Variants in PGR observed in about 807,000 individuals in gnomAD.
PGR encodes progesterone receptor.
Under a neutral mutation model 76.1 loss-of-function variants are expected in PGR, and 25 were observed. That is an observed-to-expected ratio of 0.33 (90% confidence interval 0.24 to 0.46). The LOEUF is 0.46. Ranked by LOEUF, PGR falls within the 20% of genes least tolerant of loss-of-function variation. The pLI is 1.00. For synonymous variants in PGR, 579 were observed against 535.0 expected, an observed-to-expected ratio of 1.08 and a Z score of -1.14; for missense variants, 1,172 against 1,225.3, an observed-to-expected ratio of 0.96 and a Z score of 0.65.
rs1859468459 is a variant in PGR, at chr11:101,035,225, C to T, written c.*3891G>A. On this transcript the variant is annotated 3_prime_UTR_variant, in exon 8 of 8. Transcript: ENST00000325455. The stretch of plus-strand genomic sequence containing the variant: ...GCTATTGAATACAAAAATAGAGTAT[C>T]TTTAAATTTGAAAAAAAATGTATGT... 1 of 221,398 alleles carries T rather than the reference C, an allele frequency of 4.5e-6. No homozygotes were observed. The highest frequency in any genetic ancestry group is 1.8e-4 in the South Asian group (1 of 5,428). The allele number at this position is 221,398 out of a possible 1,614,324, so 13.7% of individuals were successfully genotyped here. A position where few individuals can be genotyped will look rare whatever the true frequency, so the allele number is the denominator to read the frequency against.
intron 2 of PGR, among the ~76,000 whole-genome samples, chr11:101,115,548 G>A (rs1181947115): frequency 6.6e-6 from 1 of 152,094 alleles, no homozygotes; most frequent in Non-Finnish European, 1.5e-5. Context: ...AAGGTGGGAG[G>A]ATCACTTCAG....
rs1859482043 is a variant in PGR at position 101,035,564 on chromosome 11, A to G, written c.*3552T>C. 4.3e-6 allele frequency: 1 copy of G among 232,056 alleles called. No homozygotes were observed. The highest frequency in any genetic ancestry group is 5.6e-5 in the Admixed American group (1 of 17,760). The allele number at this position is 232,056 out of a possible 1,614,324, so 14.4% of individuals were successfully genotyped here. On this transcript the variant is annotated 3_prime_UTR_variant, in exon 8 of 8. Coordinates refer to ENST00000325455, the MANE Select transcript of PGR (RefSeq NM_000926.4). ...TTCCCTTTTGTGGAATTGCTGCCAT[A>G]GTAAAAATAATTTGAGCATGGGTTT...
chr11:101,118,522 T>G (rs1862577485), intron 2 of PGR, among the ~76,000 whole-genome samples: 1 of 152,138 alleles, frequency 6.6e-6, no homozygotes, highest in South Asian at 2.1e-4. Context: ...ATACTATGCT[T>G]TAAGAAAAAA....
At position 101,091,631 on chromosome 11, in the gene PGR, A is replaced by T. The variant is rs753323809; in HGVS notation, c.1906+129T>A. On this transcript the variant is annotated intron_variant, in intron 3 of 7. Coordinates refer to ENST00000325455, the MANE Select transcript of PGR (RefSeq NM_000926.4). ...GCTTCATTCAGACACTCACATGTGCAGAGTCACTGCCAATAATCAAGACAG... is the reference window on the plus strand; with the variant it reads ...GCTTCATTCAGACACTCACATGTGCTGAGTCACTGCCAATAATCAAGACAG... 246 of 694,658 alleles carry T rather than the reference A, an allele frequency of 3.5e-4. 5 individuals are homozygous for T. Among genetic ancestry groups the T allele is most frequent in the Middle Eastern group, 2.5e-3 (8 of 3,242 alleles). The allele number at this position is 694,658 out of a possible 1,614,324, so 43.0% of individuals were successfully genotyped here.
intron 3 of PGR, among the ~76,000 whole-genome samples, chr11:101,064,331 CAAAAAAAAAAAAAAAAAAAAAAA>C (rs10556132): frequency 7.4e-4 from 29 of 39,448 alleles, no homozygotes; most frequent in African/African-American, 2.8e-3. Context: ...AACTCCACCT[CAAAAAAAAAAAAAAAAAAAAAAA>C]AAAAAAAAAA....
chr11:101,101,166 A>C (rs1357896234), intron 2 of PGR, among the ~76,000 whole-genome samples: 1 of 152,168 alleles, frequency 6.6e-6, no homozygotes, highest in African/African-American at 2.4e-5. Context: ...TGTTTCATTG[A>C]CCACTGATAA....
chr11:101,071,944 C>T (rs1036333915), intron 3 of PGR, among the ~76,000 whole-genome samples: 1 of 152,122 alleles, frequency 6.6e-6, no homozygotes, highest in Non-Finnish European at 1.5e-5. Context: ...CCTAGCAAGA[C>T]AGGCCAACAT....
At chr11:101,123,248 A>G (rs1327669358) in intron 2 of PGR, among the ~76,000 whole-genome samples, 1 of 152,242 alleles carries the variant, frequency 6.6e-6, no homozygotes, top group Non-Finnish European at 1.5e-5. Context: ...ACTGGCACAG[A>G]GAAAGCATTT....
At chr11:101,109,882 C>A (rs754192444) in intron 2 of PGR, among the ~76,000 whole-genome samples, 1 of 152,188 alleles carries the variant, frequency 6.6e-6, no homozygotes, top group Non-Finnish European at 1.5e-5. Context: ...TTGTTAGGGG[C>A]TAATGAAGCT....
chr11:101,062,752 C>A lies in PGR; in HGVS notation c.1907G>T (p.Gly636Val). The part of the protein sequence containing the change: ...KCCQAGMVLG[G>V]RKFKKFNKVR... ...TTTATTGAACTTTTTAAATTTTCGA[C>A]CTACAGAGAAGAAAAAAAAGAAATT... Residue 636 changes from glycine to valine, a missense_variant and splice_region_variant, in exon 4 of 8, where the codon GGT (glycine) becomes GTT (valine). By Grantham distance (109) the Gly-to-Val change is moderately radical. Coordinates refer to ENST00000325455, the MANE Select transcript of PGR (RefSeq NM_000926.4). 1 of 1,607,948 alleles carries A rather than the reference C, an allele frequency of 6.2e-7. No individual in the cohort carries two copies. The highest frequency in any genetic ancestry group is 1.7e-5 in the Admixed American group (1 of 59,350).
intron 3 of PGR, among the ~76,000 whole-genome samples, chr11:101,081,830 C>G (rs964284556): frequency 6.6e-6 from 1 of 152,136 alleles, no homozygotes; most frequent in Non-Finnish European, 1.5e-5. Context: ...GCCTGCACAC[C>G]CTACAAAGCA....
At chr11:101,090,099 G>A (rs1015511706) in intron 3 of PGR, among the ~76,000 whole-genome samples, 1 of 152,156 alleles carries the variant, frequency 6.6e-6, no homozygotes, top group African/African-American at 2.4e-5. Flanking sequence ...TTGGGAGGTT[G>A]TGGCAGGAGA....
rs142124470 is a variant in PGR, at chr11:101,115,510, G to A, written c.1789+10497C>T. On this transcript the variant is annotated intron_variant, in intron 2 of 7. Transcript: ENST00000325455. ...GAATAGGCTGGGCGCTGTTGCTCAC[G>A]CCTGTAATCCCAGCACTTTGGGATG... Among the ~76,000 whole-genome samples, 990 of 152,180 alleles carry A rather than the reference G, an allele frequency of 6.5e-3. 11 individuals are homozygous for A. Among genetic ancestry groups the A allele is most frequent in the African/African-American group, 0.02 (842 of 41,532 alleles).
intron 6 of PGR, among the ~76,000 whole-genome samples, chr11:101,047,003 T>G (rs771162537): frequency 9.2e-5 from 14 of 152,320 alleles, no homozygotes; most frequent in Non-Finnish European, 1.8e-4. Context: ...TCTCCCCAAA[T>G]CTCATTAGAA....
chr11:101,086,779 A>G (rs910662690), intron 3 of PGR, among the ~76,000 whole-genome samples: 1 of 152,230 alleles, frequency 6.6e-6, no homozygotes, highest in African/African-American at 2.4e-5. Flanking sequence ...TACCATTTCT[A>G]TACAACTATA....
chr11:101,109,144 T>C (rs934688033), intron 2 of PGR, among the ~76,000 whole-genome samples: 3 of 152,210 alleles, frequency 2.0e-5, no homozygotes, highest in African/African-American at 7.2e-5. Flanking sequence ...TCTTTCTTCA[T>C]GATTTCCTAT....
At chr11:101,087,537 C>G (rs1490361320) in intron 3 of PGR, among the ~76,000 whole-genome samples, 5 of 152,064 alleles carry the variant, frequency 3.3e-5, no homozygotes, top group African/African-American at 9.7e-5. Flanking sequence ...TAATTTCTAA[C>G]TAAGTTCTCA....
In PGR at chr11:101,128,399, C is replaced by A; in HGVS notation, c.672G>T (p.Glu224Asp). Residue 224 changes from glutamate to aspartate, a missense_variant, in exon 1 of 8, where the codon GAG (glutamate) becomes GAT (aspartate). By Grantham distance (45) the Glu-to-Asp change is conservative. Around this residue, in one of 4 missense-constraint regions of PGR, gnomAD observed 893 missense variants for 785.9 expected, o/e 1.14. Transcript: ENST00000325455. ...CAGACTCCTCGGACTCAGAGCCATC[C>A]TCCTCCTCAACCTCCACCGCAGCGG... is the stretch of plus-strand genomic sequence containing the variant. The part of the protein sequence containing the change: ...PQAAAVEVEE[E>D]DGSESEESAG... 6.2e-7 allele frequency: 1 copy of A among 1,610,318 alleles called. No homozygotes were observed. The highest frequency in any genetic ancestry group is 8.5e-7 in the Non-Finnish European group (1 of 1,179,822).
chr11:101,039,219 G>A lies in PGR; in HGVS notation c.2699C>T (p.Ala900Val). The change falls in exon 8 of 8, where the codon GCA (alanine) becomes GTA (valine). Residue 900 changes from alanine (A) to valine (V), a missense_variant. Ala to Val is a moderately conservative substitution (Grantham distance 64). Coordinates refer to ENST00000325455, the MANE Select transcript of PGR (RefSeq NM_000926.4). ...CATTTCTGGAAATTCAACACTCAGTGCCCGGGACTGGATAAATGTATTCAA... is the reference window on the plus strand; with the variant it reads ...CATTTCTGGAAATTCAACACTCAGTACCCGGGACTGGATAAATGTATTCAA... Reference protein sequence around the residue: ...YCLNTFIQSRALSVEFPEMMS... With the variant: ...YCLNTFIQSRVLSVEFPEMMS... The A allele has an allele frequency of 6.2e-7, 1 of 1,611,274 alleles. No homozygotes were observed. The highest frequency in any genetic ancestry group is 8.5e-7 in the Non-Finnish European group (1 of 1,177,818).
Sources: allele counts gnomAD v4.1 joint callset (sites outside exome capture counted in the v4.1 genomes callset), GRCh38; gene constraint gnomAD v4.1.1; regional missense constraint gnomAD v4.1.1; transcripts MANE v1.5; gene names NCBI Gene and HGNC (gene_info 2026-07-23, HGNC 2026-07-21).